The following GRID1 variants were observed in gnomAD, a reference collection of about 807,000 sequenced individuals.
GRID1 encodes glutamate ionotropic receptor delta type subunit 1.
Under a neutral mutation model 98.0 loss-of-function variants are expected in GRID1, and 28 were observed. The ratio of observed to expected loss-of-function variants is 0.29; its 90% CI spans 0.21 to 0.39. The LOEUF (loss-of-function observed/expected upper bound fraction) is 0.39. Ranked by LOEUF, GRID1 falls within the 10% of genes least tolerant of loss-of-function variation. GRID1 has a pLI of 1.00. For missense variants in GRID1, 1,111 were observed against 1,340.5 expected (o/e 0.83, Z 2.67); for synonymous variants, 553 against 538.5 (o/e 1.03, Z -0.37).
Position 86,301,463 on chromosome 10 carries a change from A to G in GRID1, c.235+62478T>C, listed in dbSNP as rs189017687. Among the ~76,000 whole-genome samples, 3 of 152,374 alleles carry G rather than the reference A, an allele frequency of 2.0e-5. No individual in the cohort carries two copies. The East Asian group carries it at 5.8e-4, about 29-fold the overall frequency. Reference sequence around the variant, plus strand: ...TTATCTTTCCCCTGAGCCTGCACACATGTGCTTTTCTCTCCATCTCTGCCA... The same window carrying G: ...TTATCTTTCCCCTGAGCCTGCACACGTGTGCTTTTCTCTCCATCTCTGCCA... On this transcript the variant is annotated intron_variant, in intron 2 of 15. Transcript: ENST00000327946.
chr10:85,843,485 A>T (rs1248654546), intron 8 of GRID1, among the ~76,000 whole-genome samples: 1 of 152,140 alleles, frequency 6.6e-6, no homozygotes, highest in African/African-American at 2.4e-5. Context: ...AATCCTCAAC[A>T]GAAAAGGAAA....
At chr10:86,266,371 C>G (rs1589431677) in intron 2 of GRID1, among the ~76,000 whole-genome samples, 1 of 152,322 alleles carries the variant, frequency 6.6e-6, no homozygotes, top group East Asian at 1.9e-4. Flanking sequence ...CCTGCCTACC[C>G]CCAAATTCCA....
chr10:85,961,858 T>C (rs902884521), intron 4 of GRID1, among the ~76,000 whole-genome samples: 1 of 136,314 alleles, frequency 7.3e-6, no homozygotes, highest in East Asian at 2.1e-4. Context: ...ACAAAAAGGA[T>C]GGAAGGAAGA....
At chr10:85,666,535 T>G (rs1841020721) in intron 12 of GRID1, among the ~76,000 whole-genome samples, 1 of 152,198 alleles carries the variant, frequency 6.6e-6, no homozygotes, top group Non-Finnish European at 1.5e-5. Flanking sequence ...AGAGATTTAG[T>G]TGAGGTTGGC....
chr10:86,221,333 C>A (rs552906558), intron 2 of GRID1, among the ~76,000 whole-genome samples: 19 of 152,342 alleles, frequency 1.2e-4, no homozygotes, highest in African/African-American at 4.6e-4. Context: ...ACATTTCTAG[C>A]CATAATAGAC....
At chr10:85,838,792 A>G (rs1456799135) in intron 8 of GRID1, among the ~76,000 whole-genome samples, 1 of 152,242 alleles carries the variant, frequency 6.6e-6, no homozygotes, top group East Asian at 1.9e-4. Flanking sequence ...AAATCCACAC[A>G]TATCAATAAT....
intron 12 of GRID1, among the ~76,000 whole-genome samples, chr10:85,666,333 C>T (rs986030683): frequency 9.9e-5 from 15 of 152,126 alleles, no homozygotes; most frequent in African/African-American, 3.4e-4. Flanking sequence ...GTGAAATGAA[C>T]AGATGTTTCT....
chr10:86,156,249 G>A (rs944009009), intron 3 of GRID1, among the ~76,000 whole-genome samples: 5 of 152,198 alleles, frequency 3.3e-5, no homozygotes, highest in Admixed American at 6.5e-5. Flanking sequence ...TTGTTTGGGG[G>A]AATGACTCCT....
chr10:85,767,137 C>G (rs1842205768), intron 8 of GRID1, among the ~76,000 whole-genome samples: 1 of 152,214 alleles, frequency 6.6e-6, no homozygotes, highest in African/African-American at 2.4e-5. Flanking sequence ...TCAGGAGAAG[C>G]TGGGCCACTC....
intron 2 of GRID1, among the ~76,000 whole-genome samples, chr10:86,305,217 G>T (rs1029700244): frequency 1.3e-5 from 2 of 151,864 alleles, no homozygotes; most frequent in Admixed American, 1.3e-4. Context: ...AGCCTGCTCT[G>T]CAGATTTCGC....
At chr10:85,871,273 C>G (rs1589281867) in intron 5 of GRID1, among the ~76,000 whole-genome samples, 1 of 152,294 alleles carries the variant, frequency 6.6e-6, no homozygotes, top group East Asian at 1.9e-4. Context: ...GAATATCTCA[C>G]AGAATTTCTT....
chr10:86,345,558 G>A (rs376874615), intron 2 of GRID1, among the ~76,000 whole-genome samples: 47 of 152,324 alleles, frequency 3.1e-4, no homozygotes, highest in African/African-American at 1.1e-3. Context: ...GGTACGCGCT[G>A]CACCTGGGAT....
intron 12 of GRID1, among the ~76,000 whole-genome samples, chr10:85,654,776 G>A (rs1017206181): frequency 1.3e-5 from 2 of 152,184 alleles, no homozygotes; most frequent in African/African-American, 2.4e-5. Flanking sequence ...CCCACACCAA[G>A]GCAGGCTGGA....
chr10:86,225,390 G>A (rs1846324314), intron 2 of GRID1, among the ~76,000 whole-genome samples: 1 of 152,240 alleles, frequency 6.6e-6, no homozygotes, highest in Non-Finnish European at 1.5e-5. Context: ...AAGGGAAGCA[G>A]TACTCAAGGC....
Position 85,814,374 on chromosome 10 carries a change from CT to C in GRID1, c.1233+40121del, listed in dbSNP as rs140071152. On this transcript the variant is annotated intron_variant, in intron 8 of 15. Coordinates refer to ENST00000327946, the MANE Select transcript of GRID1 (RefSeq NM_017551.3). ...TAAAATAAATAACCTAAGTTTCTAA[CT>C]TAAGTAATTAGAGAAAGAATAAATT... Among the ~76,000 whole-genome samples, 769 of 151,728 alleles carry C rather than the reference CT, an allele frequency of 5.1e-3. 9 individuals carry two copies. Among genetic ancestry groups the C allele is most frequent in the African/African-American group, 0.018 (732 of 41,450 alleles).
chr10:86,352,341 C>G (rs1195144061), intron 2 of GRID1, among the ~76,000 whole-genome samples: 1 of 152,184 alleles, frequency 6.6e-6, no homozygotes, highest in Non-Finnish European at 1.5e-5. Flanking sequence ...GCTCACAGCC[C>G]TTCCCCTCCT....
intron 8 of GRID1, among the ~76,000 whole-genome samples, chr10:85,830,572 A>G (rs1842859236): frequency 1.3e-5 from 2 of 151,648 alleles, no homozygotes; most frequent in Non-Finnish European, 2.9e-5. Context: ...TATGCATCCA[A>G]TAAAGGTCTA....
intron 2 of GRID1, among the ~76,000 whole-genome samples, chr10:86,278,164 A>T (rs1048876823): frequency 1.3e-5 from 2 of 152,152 alleles, no homozygotes; most frequent in African/African-American, 4.8e-5. Flanking sequence ...TAAATGACTC[A>T]TTTTACATCC....
chr10:85,865,210 T>C (rs1843203600), intron 6 of GRID1, among the ~76,000 whole-genome samples: 1 of 152,058 alleles, frequency 6.6e-6, no homozygotes. Context: ...TGGGGAAAAA[T>C]AAACAACAGT....
Sources: gnomAD v4.1 joint callset for allele counts (sites outside exome capture counted in the v4.1 genomes callset) on GRCh38, gnomAD v4.1.1 for gene constraint, MANE v1.5 for transcripts, NCBI Gene and HGNC (gene_info 2026-07-23, HGNC 2026-07-21) for gene names.